The following SCN2A variants were observed in gnomAD, a reference collection of about 807,000 sequenced individuals.
SCN2A encodes sodium voltage-gated channel alpha subunit 2.
Under a neutral mutation model 188.7 loss-of-function variants are expected in SCN2A, and 20 were observed. That is an observed-to-expected ratio of 0.11 (90% CI 0.07 to 0.15). SCN2A has a LOEUF of 0.15. SCN2A is among the 10% of genes least tolerant of loss of function. The pLI is 1.00. For synonymous variants in SCN2A, 804 were observed against 833.1 expected (o/e 0.97, Z 0.60); for missense variants, 1,278 against 2,445.0 (o/e 0.52, Z 10.07).
intron 1 of SCN2A, among the ~76,000 whole-genome samples, chr2:165,286,679 C>T (rs1695847488): frequency 6.6e-6 from 1 of 152,086 alleles, no homozygotes; most frequent in Non-Finnish European, 1.5e-5. Flanking sequence ...TGTCATTGAC[C>T]AACTGCATCC....
Position 165,344,856 on chromosome 2 carries a change from G to A in SCN2A, c.2864G>A (p.Gly955Asp). The change falls in exon 16 of 27, where the codon GGC (glycine) becomes GAC (aspartate). Residue 955 changes from glycine to aspartate, a missense_variant. Coordinates refer to ENST00000375437, the MANE Select transcript of SCN2A (RefSeq NM_001040142.2). ...ETMWDCMEVA[G>D]QTMCLTVFMM... ...ATGTGGGACTGTATGGAGGTCGCTG[G>A]CCAAACCATGTGCCTTACTGTCTTC... The A allele has an allele frequency of 6.2e-7, 1 of 1,614,150 alleles. No homozygotes were observed. Among genetic ancestry groups the A allele is most frequent in the Non-Finnish European group, 8.5e-7 (1 of 1,180,024 alleles).
intron 16 of SCN2A, among the ~76,000 whole-genome samples, chr2:165,348,630 T>C (rs1010552356): frequency 9.9e-5 from 15 of 152,284 alleles, no homozygotes; most frequent in African/African-American, 3.6e-4. Context: ...TTTCTGTGGG[T>C]CAGGATTTGG....
At chr2:165,338,145 G>A (rs1172625327) in intron 14 of SCN2A, among the ~76,000 whole-genome samples, 1 of 152,114 alleles carries the variant, frequency 6.6e-6, no homozygotes, top group African/African-American at 2.4e-5. Flanking sequence ...ACTTATAAGT[G>A]AGAACATGCA....
At chr2:165,319,103 C>T (rs963829931) in intron 11 of SCN2A, among the ~76,000 whole-genome samples, 7 of 151,958 alleles carry the variant, frequency 4.6e-5, no homozygotes, top group East Asian at 1.9e-4. Context: ...TTTGGGAGGC[C>T]GAGACGGGCA....
At chr2:165,357,033 A>C (rs1700215675) in intron 17 of SCN2A, among the ~76,000 whole-genome samples, 1 of 152,184 alleles carries the variant, frequency 6.6e-6, no homozygotes, top group Non-Finnish European at 1.5e-5. Flanking sequence ...CCCAGCATAG[A>C]GACTGTTACT....
intron 1 of SCN2A, chr2:165,268,169 C>G (rs555058718): frequency 7.2e-5 from 11 of 152,010 alleles, no homozygotes; most frequent in African/African-American, 2.6e-4. Flanking sequence ...AAGAAGGAAT[C>G]CACCCTAAAT....
chr2:165,307,594 C>T (rs905851007), intron 3 of SCN2A, among the ~76,000 whole-genome samples: 1 of 152,048 alleles, frequency 6.6e-6, no homozygotes, highest in Admixed American at 6.6e-5. Context: ...GAACTACTTT[C>T]TTTGCATTTA....
chr2:165,285,973 CATGCTCTGTGCCACAG>C, intron 1 of SCN2A: 1 of 213,472 alleles, frequency 4.7e-6, no homozygotes, highest in Non-Finnish European at 1.0e-5. Flanking sequence ...GGACTGTAGA[CATGCTCTGTGCCACAG>C]ATGAAGACTT....
chr2:165,254,139 T>C (rs1361160536), intron 1 of SCN2A, among the ~76,000 whole-genome samples: 1 of 151,808 alleles, frequency 6.6e-6, no homozygotes, highest in African/African-American at 2.4e-5. Flanking sequence ...ATATTTCTCT[T>C]TATGAAGAGA....
chr2:165,292,160 A>G (rs991077782), intron 1 of SCN2A, among the ~76,000 whole-genome samples: 1 of 152,200 alleles, frequency 6.6e-6, no homozygotes, highest in African/African-American at 2.4e-5. Flanking sequence ...CTAGCCCTGG[A>G]CAAACCATGA....
chr2:165,370,614 T>A (rs1327835304), intron 20 of SCN2A: 2 of 289,142 alleles, frequency 6.9e-6, no homozygotes, highest in Non-Finnish European at 1.3e-5. Flanking sequence ...TTTCGCAAAA[T>A]AACTTGTATT....
intron 1 of SCN2A, among the ~76,000 whole-genome samples, chr2:165,281,027 GC>G (rs1407981728): frequency 6.6e-6 from 1 of 152,166 alleles, no homozygotes; most frequent in Non-Finnish European, 1.5e-5. Flanking sequence ...TTCAAGACCA[GC>G]CTGGCCAACA....
At chr2:165,254,627 A>T (rs769475940) in intron 1 of SCN2A, among the ~76,000 whole-genome samples, 2 of 151,740 alleles carry the variant, frequency 1.3e-5, no homozygotes, top group Non-Finnish European at 3.0e-5. Context: ...TTTCCTTATT[A>T]ATTTCCTGAT....
intron 3 of SCN2A, among the ~76,000 whole-genome samples, chr2:165,300,817 T>C (rs982873059): frequency 6.6e-6 from 1 of 152,084 alleles, no homozygotes; most frequent in African/African-American, 2.4e-5. Context: ...CAGGAGGGTT[T>C]TCAGTAGCAG....
intron 14 of SCN2A, among the ~76,000 whole-genome samples, chr2:165,337,002 C>A (rs994379611): frequency 1.3e-5 from 2 of 150,720 alleles, no homozygotes; most frequent in Admixed American, 6.6e-5. Flanking sequence ...TGGACAGGAA[C>A]AAATTGTTAG....
chr2:165,370,392 T>C (rs1363140996), intron 20 of SCN2A, 93 bp downstream of exon 20: 9 of 1,191,138 alleles, frequency 7.6e-6, no homozygotes, highest in South Asian at 7.3e-5. Context: ...TCAGTAACAC[T>C]GTATCAGCCC....
intron 3 of SCN2A, among the ~76,000 whole-genome samples, chr2:165,306,504 TTGTGTGTGTGTG>T (rs10524719): frequency 0.033 from 4,851 of 147,284 alleles, 134 homozygotes; most frequent in African/African-American, 0.077. Context: ...AAATGGTATT[TTGTGTGTGTGTG>T]TGTGTGTGTG....
rs535714615 is a variant in SCN2A, at chr2:165,242,580, A to G, written c.-52+2940A>G. On this transcript the variant is annotated intron_variant, in intron 1 of 26. Transcript: ENST00000375437. The stretch of plus-strand genomic sequence containing the variant: ...CTGAGGACTAAATTGGACATGAGAA[A>G]TCTGGGGAGTATATTTAAGTTTTAA... 5.3e-4 allele frequency among the ~76,000 whole-genome samples: 81 copies of G among 152,272 alleles called. 1 individual carries two copies. Among genetic ancestry groups the G allele is most frequent in the Admixed American group, 1.2e-3 (18 of 15,302 alleles).
chr2:165,290,788 A>G, intron 1 of SCN2A: 1 of 985,144 alleles, frequency 1.0e-6, no homozygotes, highest in Non-Finnish European at 1.2e-6. Flanking sequence ...GGAATCTTGT[A>G]AGTATCTTGC....
Sources: gnomAD v4.1 joint callset for allele counts (sites outside exome capture counted in the v4.1 genomes callset) on GRCh38, gnomAD v4.1.1 for gene constraint, MANE v1.5 for transcripts, NCBI Gene and HGNC (gene_info 2026-07-23, HGNC 2026-07-21) for gene names.